CADM2: variants seen among roughly 807,000 people sequenced by gnomAD.
CADM2 encodes the protein cell adhesion molecule 2, also known as immunoglobulin superfamily member 4D.
Under a neutral mutation model 49.8 loss-of-function variants are expected in CADM2, and 12 were observed. That is an observed-to-expected ratio of 0.24 (90% CI 0.15 to 0.39). The LOEUF is 0.39. Ranked by LOEUF, CADM2 falls within the 10% of genes least tolerant of loss-of-function variation. CADM2 has a pLI of 1.00. For missense variants in CADM2, 378 were observed against 492.3 expected (o/e 0.77, Z 2.20); for synonymous variants, 214 against 175.4 (o/e 1.22, Z -1.74).
intron 1 of CADM2, among the ~76,000 whole-genome samples, chr3:85,365,595 A>G (rs2032727090): frequency 6.6e-6 from 1 of 152,180 alleles, no homozygotes; most frequent in African/African-American, 2.4e-5. Context: ...ATGTCATATC[A>G]TTAAAATGAC....
chr3:85,491,397 A>G (rs1473651610), intron 1 of CADM2, among the ~76,000 whole-genome samples: 1 of 152,188 alleles, frequency 6.6e-6, no homozygotes, highest in Non-Finnish European at 1.5e-5. Flanking sequence ...TATGTCCATA[A>G]AAGTATACAT....
intron 1 of CADM2, among the ~76,000 whole-genome samples, chr3:85,373,139 C>G (rs140853411): frequency 6.6e-6 from 1 of 152,112 alleles, no homozygotes; most frequent in Non-Finnish European, 1.5e-5. Context: ...CCAAAGTATC[C>G]TCTGTTACAA....
chr3:84,977,362 A>G (rs2031884819), intron 1 of CADM2, among the ~76,000 whole-genome samples: 1 of 151,998 alleles, frequency 6.6e-6, no homozygotes, highest in South Asian at 2.1e-4. Flanking sequence ...GATAATGAAG[A>G]AGCCTAACAC....
At chr3:85,857,407 A>C (rs748453145) in intron 3 of CADM2, among the ~76,000 whole-genome samples, 7 of 152,188 alleles carry the variant, frequency 4.6e-5, no homozygotes, top group Non-Finnish European at 1.0e-4. Context: ...TGGGTTTAAC[A>C]GGGAAGGTTT....
At chr3:85,666,644 G>A (rs1358012365) in intron 1 of CADM2, among the ~76,000 whole-genome samples, 1 of 151,896 alleles carries the variant, frequency 6.6e-6, no homozygotes, top group Non-Finnish European at 1.5e-5. Context: ...GTAATAATCC[G>A]AGGGGAACTT....
At chr3:85,365,929 C>T (rs2032749783) in intron 1 of CADM2, among the ~76,000 whole-genome samples, 1 of 152,166 alleles carries the variant, frequency 6.6e-6, no homozygotes, top group African/African-American at 2.4e-5. Flanking sequence ...AGCACTTGTC[C>T]TGGGGCTGCC....
At chr3:85,096,836 C>T (rs61039085) in intron 1 of CADM2, among the ~76,000 whole-genome samples, 10,520 of 152,092 alleles carry the variant, frequency 0.069, 553 homozygotes, top group Admixed American at 0.17. Context: ...ACTTTATATT[C>T]ATTTCAAATT....
chr3:85,926,793 G>C (rs1358015465), intron 6 of CADM2, among the ~76,000 whole-genome samples: 1 of 152,122 alleles, frequency 6.6e-6, no homozygotes, highest in Non-Finnish European at 1.5e-5. Flanking sequence ...AGATATATGA[G>C]AGTGTACACA....
intron 1 of CADM2, among the ~76,000 whole-genome samples, chr3:85,166,594 A>T (rs1210789679): frequency 2.0e-5 from 3 of 151,938 alleles, no homozygotes; most frequent in East Asian, 3.9e-4. Context: ...GACAATAATT[A>T]TAATTAATGC....
chr3:86,067,703 T>G lies in CADM2; in HGVS notation c.*920T>G, dbSNP rs1391938962. 3.3e-5 allele frequency: 5 copies of G among 152,636 alleles called. 1 individual carries two copies. The South Asian group carries it at 1.0e-3, about 32-fold the overall frequency. The allele number at this position is 152,636 out of a possible 1,614,324, so 9.5% of individuals were successfully genotyped here. A position where few individuals can be genotyped will look rare whatever the true frequency, so the allele number is the denominator to read the frequency against. On this transcript the variant is annotated 3_prime_UTR_variant, in exon 10 of 10. Coordinates refer to ENST00000383699, the MANE Select transcript of CADM2 (RefSeq NM_001167675.2). The stretch of plus-strand genomic sequence containing the variant: ...CCAATTAAACATTATTTGATACATA[T>G]TTAACTTTTTTGGCTGTATGTAATT...
chr3:85,390,937 G>C (rs2034487500), intron 1 of CADM2, among the ~76,000 whole-genome samples: 1 of 152,038 alleles, frequency 6.6e-6, no homozygotes, highest in African/African-American at 2.4e-5. Flanking sequence ...TCATGTGATG[G>C]TAGGAAGAAG....
chr3:85,752,760 C>T (rs1367373196), intron 2 of CADM2, among the ~76,000 whole-genome samples: 3 of 151,684 alleles, frequency 2.0e-5, no homozygotes, highest in Non-Finnish European at 2.9e-5. Flanking sequence ...TTTTTTTCTG[C>T]AAGTAAATAC....
intron 8 of CADM2, among the ~76,000 whole-genome samples, chr3:86,044,518 C>A (rs1449402550): frequency 1.5e-4 from 23 of 152,330 alleles, no homozygotes; most frequent in Non-Finnish European, 3.2e-4. Context: ...GAGATACCAT[C>A]TCACACCAGT....
At chr3:85,945,610 A>G (rs1379587017) in intron 7 of CADM2, among the ~76,000 whole-genome samples, 2 of 152,192 alleles carry the variant, frequency 1.3e-5, no homozygotes, top group Non-Finnish European at 2.9e-5. Context: ...CCTGGGATGC[A>G]AGACTGGTTC....
chr3:85,943,658 G>C (rs1460674930), intron 7 of CADM2, among the ~76,000 whole-genome samples: 2 of 151,886 alleles, frequency 1.3e-5, no homozygotes, highest in African/African-American at 2.4e-5. Context: ...ATACTACAAG[G>C]CTACAGTACC....
At chr3:86,059,651 C>T (rs1738383167) in intron 8 of CADM2, among the ~76,000 whole-genome samples, 1 of 152,168 alleles carries the variant, frequency 6.6e-6, no homozygotes, top group Admixed American at 6.5e-5. Context: ...AATGTAGACA[C>T]AGCTCTCTGT....
intron 1 of CADM2, among the ~76,000 whole-genome samples, chr3:85,321,183 A>AAGAG (rs200464117): frequency 3.1e-5 from 3 of 96,192 alleles, no homozygotes; most frequent in African/African-American, 3.9e-5. Context: ...GAGAGAAAGA[A>AAGAG]AGAGAGAGAG....
intron 1 of CADM2, among the ~76,000 whole-genome samples, chr3:85,105,281 C>A (rs1190387320): frequency 6.6e-6 from 1 of 152,042 alleles, no homozygotes; most frequent in Non-Finnish European, 1.5e-5. Context: ...AAAAAGTGGG[C>A]AAAGGACATG....
rs72917121 is a variant in CADM2, at chr3:85,245,147, C to T, written c.61+285479C>T. Among the ~76,000 whole-genome samples the T allele has an allele frequency of 6.3e-3, 960 of 152,164 alleles. 13 individuals carry two copies. The highest frequency in any genetic ancestry group is 0.022 in the African/African-American group (896 of 41,504). On this transcript the variant is annotated intron_variant, in intron 1 of 9. Transcript: ENST00000383699. ...TGAACCATCAAAGGAAAAAAGACCCCAGTATGATTTTCATAAGTCTGGATG... is the reference window on the plus strand; with the variant it reads ...TGAACCATCAAAGGAAAAAAGACCCTAGTATGATTTTCATAAGTCTGGATG...
Sources: gnomAD v4.1 joint callset for allele counts (sites outside exome capture counted in the v4.1 genomes callset) on GRCh38, gnomAD v4.1.1 for gene constraint, MANE v1.5 for transcripts, NCBI Gene and HGNC (gene_info 2026-07-23, HGNC 2026-07-21) for gene names.